The following AGAP1 variants were observed in gnomAD, a reference collection of about 807,000 sequenced individuals.
AGAP1 encodes the protein arf-GAP with GTPase, ANK repeat and PH domain-containing protein 1.
AGAP1 carries 29 observed loss-of-function variants against 105.3 expected under a neutral mutation model. The ratio of observed to expected loss-of-function variants is 0.28; its 90% CI spans 0.21 to 0.38. The LOEUF (loss-of-function observed/expected upper bound fraction) is 0.38, where lower values mean the gene tolerates loss of function less well. Among genes scored for constraint, AGAP1 ranks in the 10% least tolerant of loss-of-function variants. The probability of loss-of-function intolerance (pLI) is 1.00; values close to 1 mark genes in which losing one functional copy is unlikely to be tolerated. For missense variants in AGAP1, 998 were observed against 1,165.1 expected (o/e 0.86, Z 2.09); for synonymous variants, 509 against 485.9 (o/e 1.05, Z -0.63).
rs58097220 is a variant in AGAP1, at chr2:235,995,065, CAAAAAAAAAAAAAAAAAAA to C, written c.1645+26453_1645+26471del. Among the ~76,000 whole-genome samples the C allele has an allele frequency of 9.7e-4, 59 of 60,948 alleles. 1 individual carries two copies. The highest frequency in any genetic ancestry group is 6.2e-3 in the South Asian group (7 of 1,128). 40.0% of individuals were successfully genotyped at this position (60,948 alleles called of 152,430 possible). ...AGGGAGACAGTACAAGACTCTGTCT[CAAAAAAAAAAAAAAAAAAA>C]AAAAAAAAAACAGAATAAGATACAA... is the stretch of plus-strand genomic sequence containing the variant. On this transcript the variant is annotated intron_variant, in intron 13 of 17. Coordinates refer to ENST00000304032, the MANE Select transcript of AGAP1 (RefSeq NM_001037131.3).
intron 6 of AGAP1, among the ~76,000 whole-genome samples, chr2:235,763,918 G>A (rs541544597): frequency 6.6e-6 from 1 of 152,200 alleles, no homozygotes; most frequent in Non-Finnish European, 1.5e-5. Context: ...GTCATCAGGC[G>A]GTTGCAAAGG....
Position 235,620,261 on chromosome 2 carries a change from C to T in AGAP1, c.164-88918C>T, listed in dbSNP as rs903324261. On this transcript the variant is annotated intron_variant, in intron 1 of 17. Coordinates refer to ENST00000304032, the MANE Select transcript of AGAP1 (RefSeq NM_001037131.3). This position sits in a 1 kb window ranked among gnomAD's most constrained non-coding sequence, Gnocchi z 4.5. The stretch of plus-strand genomic sequence containing the variant: ...ACCTCAGCCATTAGCACCCTGGTCC[C>T]GGGCAGCAGCGTTGCTTGGCGGATT... Among the ~76,000 whole-genome samples, 7 of 152,168 alleles carry T rather than the reference C, an allele frequency of 4.6e-5. No individual in the cohort carries two copies. The highest frequency in any genetic ancestry group is 1.7e-4 in the African/African-American group (7 of 41,446).
intron 1 of AGAP1, among the ~76,000 whole-genome samples, chr2:235,672,747 C>T (rs541700061): frequency 2.3e-4 from 35 of 152,296 alleles, no homozygotes; most frequent in Middle Eastern, 3.4e-3. Context: ...GAAAGAAAAA[C>T]GCACAGACAT....
chr2:235,606,746 C>T (rs1448830833), intron 1 of AGAP1, among the ~76,000 whole-genome samples: 1 of 151,954 alleles, frequency 6.6e-6, no homozygotes, highest in Non-Finnish European at 1.5e-5. Context: ...GTCAGGGGAT[C>T]GAGACCAGTG....
intron 16 of AGAP1, among the ~76,000 whole-genome samples, chr2:236,064,850 C>T (rs2058302536): frequency 6.6e-6 from 1 of 152,156 alleles, no homozygotes; most frequent in African/African-American, 2.4e-5. Flanking sequence ...CAAACTATAC[C>T]TTTCTAAACA....
Position 235,808,655 on chromosome 2 carries a change from CCT to C in AGAP1, c.1050+1325_1050+1326del, listed in dbSNP as rs750853163. Among the ~76,000 whole-genome samples, 9 of 152,314 alleles carry C rather than the reference CCT, an allele frequency of 5.9e-5. No individual in the cohort carries two copies. In the East Asian group the frequency reaches 1.2e-3, roughly 20 times the overall value. On this transcript the variant is annotated intron_variant, in intron 9 of 17. Transcript: ENST00000304032. ...TCTCCTTCCGTGCTCACAGGGCACG[CCT>C]TTGCCAGGCAGAGAAGAAGGAGGCC... is the stretch of plus-strand genomic sequence containing the variant.
At chr2:235,573,694 C>T (rs941047441) in intron 1 of AGAP1, among the ~76,000 whole-genome samples, 3 of 152,230 alleles carry the variant, frequency 2.0e-5, no homozygotes, top group Non-Finnish European at 2.9e-5. Flanking sequence ...TCTCTGCAAA[C>T]GGCATGAGTG....
At position 236,050,158 on chromosome 2, in the gene AGAP1, T is replaced by G. The variant is rs544507463; in HGVS notation, c.2114+877T>G. Among the ~76,000 whole-genome samples, 10 of 152,354 alleles carry G rather than the reference T, an allele frequency of 6.6e-5. No individual in the cohort carries two copies. In the South Asian group the frequency reaches 8.3e-4, roughly 13 times the overall value. Reference sequence around the variant, plus strand: ...AGGTTCCTCTGATTTGTTTTGCTGCTGATCAGATAAAATGAAAGTTCAAGT... The same window carrying G: ...AGGTTCCTCTGATTTGTTTTGCTGCGGATCAGATAAAATGAAAGTTCAAGT... On this transcript the variant is annotated intron_variant, in intron 16 of 17. Transcript: ENST00000304032. The surrounding 1 kb of genome is among the most constrained non-coding windows in gnomAD (Gnocchi z 4.0).
intron 1 of AGAP1, among the ~76,000 whole-genome samples, chr2:235,530,954 C>A (rs774645288): frequency 1.3e-5 from 2 of 152,156 alleles, no homozygotes; most frequent in African/African-American, 4.8e-5. Flanking sequence ...GGGGCTGAGC[C>A]AGTCAACACC....
At chr2:235,542,026 T>C (rs1943459311) in intron 1 of AGAP1, among the ~76,000 whole-genome samples, 2 of 152,224 alleles carry the variant, frequency 1.3e-5, no homozygotes, top group Admixed American at 1.3e-4. Context: ...TCTTGACATA[T>C]TAAATGGGTA....
Position 235,566,585 on chromosome 2 carries a change from C to A in AGAP1, c.163+71736C>A. 1 of 985,378 alleles carries A rather than the reference C, an allele frequency of 1.0e-6. No individual in the cohort carries two copies. Among genetic ancestry groups the A allele is most frequent in the Non-Finnish European group, 1.2e-6 (1 of 829,896 alleles). 61.0% of individuals were successfully genotyped at this position (985,378 alleles called of 1,614,324 possible). ...GGAACAGAGGACTAGATGACCAGTG[C>A]TGTGAGTGGGCAGGTCTGTCTCCTG... On this transcript the variant is annotated intron_variant, in intron 1 of 17. Transcript: ENST00000304032. This position sits in a 1 kb window ranked among gnomAD's most constrained non-coding sequence, Gnocchi z 5.2.
At chr2:235,598,684 A>G (rs918354778) in intron 1 of AGAP1, among the ~76,000 whole-genome samples, 2 of 152,208 alleles carry the variant, frequency 1.3e-5, no homozygotes. Flanking sequence ...CTAAATGTAC[A>G]GATGATGCGT....
chr2:235,785,913 A>C (rs867177265), intron 6 of AGAP1, among the ~76,000 whole-genome samples: 3,149 of 152,306 alleles, frequency 0.021, 102 homozygotes, highest in African/African-American at 0.072. Context: ...CTTTTAAAAA[A>C]AACGTGGATG....
chr2:235,904,698 C>CGG lies in AGAP1; in HGVS notation c.1156-4039_1156-4038dup, dbSNP rs986709893. Among the ~76,000 whole-genome samples, 2 of 152,130 alleles carry CGG rather than the reference C, an allele frequency of 1.3e-5. No homozygotes were observed. Among genetic ancestry groups the CGG allele is most frequent in the African/African-American group, 4.8e-5 (2 of 41,418 alleles). On this transcript the variant is annotated intron_variant, in intron 10 of 17. Transcript: ENST00000304032. This position sits in a 1 kb window ranked among gnomAD's most constrained non-coding sequence, Gnocchi z 4.2. ...GGTCTGCACAGCCCCTTGACTTCTACGGAGGACATTGTTTAGTGGTTGTAG... is the reference window on the plus strand; with the variant it reads ...GGTCTGCACAGCCCCTTGACTTCTACGGGGAGGACATTGTTTAGTGGTTGTAG...
chr2:235,846,694 T>C (rs1016522350), intron 9 of AGAP1, among the ~76,000 whole-genome samples: 6 of 152,178 alleles, frequency 3.9e-5, no homozygotes, highest in Non-Finnish European at 7.3e-5. Context: ...TGGAGTGCAG[T>C]GGCATAATCA....
intron 16 of AGAP1, among the ~76,000 whole-genome samples, chr2:236,100,232 A>G (rs140014240): frequency 1.2e-3 from 180 of 152,154 alleles, no homozygotes; most frequent in African/African-American, 4.1e-3. Flanking sequence ...GAGAGTTTTG[A>G]TTTTGCATTA....
At chr2:235,896,329 ATT>A (rs2124957039) in intron 10 of AGAP1, among the ~76,000 whole-genome samples, 1 of 152,304 alleles carries the variant, frequency 6.6e-6, no homozygotes, top group African/African-American at 2.4e-5. Context: ...TACACACCAC[ATT>A]TTGTTTGTCC....
At chr2:235,742,915 C>T (rs1952675073) in intron 4 of AGAP1, among the ~76,000 whole-genome samples, 1 of 152,116 alleles carries the variant, frequency 6.6e-6, no homozygotes, top group Non-Finnish European at 1.5e-5. Flanking sequence ...ACCTGTAATC[C>T]CAGCACTTTG....
chr2:235,722,357 A>G (rs1951430087), intron 3 of AGAP1, among the ~76,000 whole-genome samples: 1 of 152,210 alleles, frequency 6.6e-6, no homozygotes, highest in South Asian at 2.1e-4. Context: ...TTCTGATTTA[A>G]TTAGTGCGTG....
Sources: allele counts gnomAD v4.1 joint callset (sites outside exome capture counted in the v4.1 genomes callset), GRCh38; gene constraint gnomAD v4.1.1; non-coding constraint Gnocchi (gnomAD v3.1); transcripts MANE v1.5; gene names NCBI Gene and HGNC (gene_info 2026-07-23, HGNC 2026-07-21).